Variants in THADA observed in about 807,000 individuals in gnomAD.
THADA encodes tRNA (32-2'-O)-methyltransferase regulator THADA.
THADA carries 213 observed loss-of-function variants against 219.8 expected under a neutral mutation model. That is an observed-to-expected ratio of 0.97 (90% CI 0.87 to 1.09). The LOEUF (loss-of-function observed/expected upper bound fraction) is 1.09, where lower values mean the gene tolerates loss of function less well. Ranked by LOEUF, THADA falls within the 50% of genes least tolerant of loss-of-function variation. The probability of loss-of-function intolerance (pLI) is 0.00; values close to 1 mark genes in which losing one functional copy is unlikely to be tolerated. For missense variants in THADA, 2,956 were observed against 2,311.3 expected, an observed-to-expected ratio of 1.28 and a Z score of -5.72; for synonymous variants, 1,018 against 828.9, an observed-to-expected ratio of 1.23 and a Z score of -3.92.
Position 43,279,838 on chromosome 2 carries a change from C to A in THADA, c.5223G>T (p.Glu1741Asp). The change falls in exon 36 of 38, where the codon GAG becomes GAT. Residue 1741 changes from glutamate (E) to aspartate (D), a missense_variant. Physicochemically the swap from Glu to Asp is conservative, Grantham distance 45. Transcript: ENST00000405975. ...KCVLTLLQSE[E>D]QAVRDAATET... ...CCGTGGCTGCATCTCTAACAGCTTG[C>A]TCCTCACTCTGCAGAAGGGTAAGGA... is the stretch of plus-strand genomic sequence containing the variant. The A allele has an allele frequency of 6.4e-7, 1 of 1,565,840 alleles. No individual in the cohort carries two copies. Among genetic ancestry groups the A allele is most frequent in the Non-Finnish European group, 8.7e-7 (1 of 1,155,150 alleles).
intron 34 of THADA, 144 bp downstream of exon 34, chr2:43,291,552 C>G: frequency 2.5e-6 from 1 of 399,544 alleles, no homozygotes; most frequent in African/African-American, 2.2e-5. Flanking sequence ...ATTGAAAAAC[C>G]AGCACGAACA....
At chr2:43,293,257 A>G (rs758361365) in intron 31 of THADA, 44 bp from the exon 32 acceptor site, 240 of 1,553,460 alleles carry the variant, frequency 1.5e-4, no homozygotes, top group Non-Finnish European at 2.0e-4. Flanking sequence ...AATCACTTTA[A>G]ATTTCCACAA....
At chr2:43,248,164 T>TAGAGAGAGAGAGAGAGAG (rs70963389) in intron 36 of THADA, among the ~76,000 whole-genome samples, 3 of 40,940 alleles carry the variant, frequency 7.3e-5, no homozygotes, top group African/African-American at 2.4e-4. Flanking sequence ...TATATATATA[T>TAGAGAGAGAGAGAGAGAG]AGAGAGAGAG....
intron 25 of THADA, among the ~76,000 whole-genome samples, chr2:43,489,416 G>C (rs1198003392): frequency 1.3e-5 from 2 of 151,902 alleles, no homozygotes. Context: ...ATCAATTTTT[G>C]TATTGCTTGT....
chr2:43,281,150 G>A (rs899313884), intron 35 of THADA, among the ~76,000 whole-genome samples: 3 of 152,176 alleles, frequency 2.0e-5, no homozygotes, highest in Non-Finnish European at 2.9e-5. Flanking sequence ...TGTACATGGA[G>A]AACCTGGTTT....
chr2:43,287,777 A>C (rs1362132697), intron 34 of THADA, among the ~76,000 whole-genome samples: 1 of 152,228 alleles, frequency 6.6e-6, no homozygotes, highest in African/African-American at 2.4e-5. Context: ...ATGGGCACCC[A>C]GCTAGAGACT....
chr2:43,449,932 G>A (rs567756018), intron 26 of THADA, among the ~76,000 whole-genome samples: 2 of 152,112 alleles, frequency 1.3e-5, no homozygotes, highest in African/African-American at 2.4e-5. Context: ...CCTGGCAAAC[G>A]GTCCTTCAAC....
chr2:43,554,618 T>A (rs1697134720), intron 17 of THADA, among the ~76,000 whole-genome samples: 1 of 152,172 alleles, frequency 6.6e-6, no homozygotes, highest in African/African-American at 2.4e-5. Flanking sequence ...GATATCGTTT[T>A]ATATTATATA....
intron 17 of THADA, among the ~76,000 whole-genome samples, chr2:43,555,396 G>A (rs1171779076): frequency 6.7e-6 from 1 of 148,554 alleles, no homozygotes; most frequent in East Asian, 2.0e-4. Flanking sequence ...TATATTACAT[G>A]TATATATATA....
At chr2:43,444,765 T>C (rs6744642) in intron 26 of THADA, among the ~76,000 whole-genome samples, 112,913 of 151,972 alleles carry the variant, frequency 0.74, 42,116 homozygotes, top group Admixed American at 0.79. Flanking sequence ...CCATTTCTTA[T>C]ACACACATCC....
chr2:43,255,352 T>C (rs1281836721), intron 36 of THADA, among the ~76,000 whole-genome samples: 1 of 152,236 alleles, frequency 6.6e-6, no homozygotes, highest in African/African-American at 2.4e-5. Flanking sequence ...GTGGTTTTGC[T>C]TTCTGGCAAA....
intron 29 of THADA, among the ~76,000 whole-genome samples, chr2:43,351,708 G>C (rs1668286622): frequency 6.6e-6 from 1 of 152,182 alleles, no homozygotes; most frequent in East Asian, 1.9e-4. Context: ...GTCTTGCTAG[G>C]GGTGGCAGAA....
chr2:43,290,388 G>C (rs953199161), intron 34 of THADA, among the ~76,000 whole-genome samples: 5 of 151,526 alleles, frequency 3.3e-5, no homozygotes, highest in African/African-American at 9.7e-5. Context: ...GACCTCCTAC[G>C]TTTGGCTCCC....
At chr2:43,581,521 G>A (rs1489513992) in intron 8 of THADA, among the ~76,000 whole-genome samples, 1 of 142,012 alleles carries the variant, frequency 7.0e-6, no homozygotes, top group Non-Finnish European at 1.5e-5. Flanking sequence ...TCCAGCCTGG[G>A]CAGCACAGTG....
intron 26 of THADA, among the ~76,000 whole-genome samples, chr2:43,460,019 T>C (rs1370305631): frequency 6.6e-6 from 1 of 151,792 alleles, no homozygotes; most frequent in African/African-American, 2.4e-5. Flanking sequence ...CCTTATATAG[T>C]TCAGACACAA....
At chr2:43,288,696 G>C (rs544519371) in intron 34 of THADA, among the ~76,000 whole-genome samples, 2 of 152,224 alleles carry the variant, frequency 1.3e-5, no homozygotes, top group African/African-American at 4.8e-5. Flanking sequence ...GGGTTTTTAA[G>C]GAAGCTTCAT....
intron 26 of THADA, among the ~76,000 whole-genome samples, chr2:43,443,017 G>A (rs1226439635): frequency 1.3e-5 from 2 of 152,062 alleles, no homozygotes; most frequent in Non-Finnish European, 2.9e-5. Context: ...TTAGGTACCT[G>A]TCCTCGGTTG....
rs570001371 is a variant in THADA at position 43,333,665 on chromosome 2, G to C, written c.4343+10457C>G. On this transcript the variant is annotated intron_variant, in intron 30 of 37. Transcript: ENST00000405975. Reference sequence around the variant, plus strand: ...CCTGTTAAGACTTGCTTCCCTTAAAGTTTTGGCACGGACCACAAATGATAG... The same window carrying C: ...CCTGTTAAGACTTGCTTCCCTTAAACTTTTGGCACGGACCACAAATGATAG... 3.3e-5 allele frequency among the ~76,000 whole-genome samples: 5 copies of C among 152,148 alleles called. No homozygotes were observed. The South Asian group carries it at 8.3e-4, about 25-fold the overall frequency.
chr2:43,269,439 A>G (rs1292465757), intron 36 of THADA, among the ~76,000 whole-genome samples: 1 of 152,210 alleles, frequency 6.6e-6, no homozygotes, highest in South Asian at 2.1e-4. Flanking sequence ...ACTGGCACTC[A>G]TAACTGGCCA....
Sources: gnomAD v4.1 joint callset for allele counts (sites outside exome capture counted in the v4.1 genomes callset) on GRCh38, gnomAD v4.1.1 for gene constraint, MANE v1.5 for transcripts, NCBI Gene and HGNC (gene_info 2026-07-23, HGNC 2026-07-21) for gene names.